The following C3 variants were observed in gnomAD, a reference collection of about 807,000 sequenced individuals.
C3 encodes complement C3.
A neutral mutation model predicts 207.9 loss-of-function variants in C3; 97 were observed. The observed-to-expected ratio is 0.47, with a 90% CI of 0.40 to 0.55. The LOEUF (loss-of-function observed/expected upper bound fraction) is 0.55, where lower values mean the gene tolerates loss of function less well. C3 is among the 20% of genes least tolerant of loss of function. The pLI, the probability that C3 is intolerant of heterozygous loss-of-function variation, is 0.00. For synonymous variants in C3, 848 were observed against 857.6 expected (o/e 0.99, Z 0.20); for missense variants, 1,684 against 2,171.7 (o/e 0.78, Z 4.46).
intron 35 of C3, among the ~76,000 whole-genome samples, chr19:6,680,732 G>C (rs1917837981): frequency 6.6e-6 from 1 of 152,112 alleles, no homozygotes; most frequent in Non-Finnish European, 1.5e-5. Context: ...TTTTGTTTTA[G>C]TAGCTATTGT....
chr19:6,707,171 C>T lies in C3; in HGVS notation c.2150G>A (p.Gly717Asp), dbSNP rs1967797029. 1.2e-6 allele frequency: 2 copies of T among 1,613,790 alleles called. No individual in the cohort carries two copies. The highest frequency in any genetic ancestry group is 1.3e-5 in the African/African-American group (1 of 75,010). ...CQRRTRFISL[G>D]EACKKVFLDC... is the part of the protein sequence containing the mutation. ...CAGGAAGACCTTCTTGCACGCCTCG[C>T]CCAGGGAGATGAAACGGGTCCGGCG... The change falls in exon 17 of 41, where the codon GGC becomes GAC. Residue 717 changes from glycine (G) to aspartate (D), a missense_variant. Gly to Asp is a moderately conservative substitution (Grantham distance 94). Transcript: ENST00000245907.
chr19:6,693,350 G>C, intron 25 of C3, 62 bp downstream of exon 25: 1 of 1,501,166 alleles, frequency 6.7e-7, no homozygotes, highest in South Asian at 1.2e-5. Flanking sequence ...GCCAGGGTCC[G>C]GGCCCTGCTG....
chr19:6,720,138 C>G (rs1968133534), intron 1 of C3, among the ~76,000 whole-genome samples: 1 of 152,136 alleles, frequency 6.6e-6, no homozygotes, highest in Non-Finnish European at 1.5e-5. Flanking sequence ...AGAAACATCC[C>G]AAACTCCAAT....
chr19:6,692,332 C>T (rs567363660), intron 26 of C3, among the ~76,000 whole-genome samples: 1 of 152,322 alleles, frequency 6.6e-6, no homozygotes, highest in African/African-American at 2.4e-5. Context: ...GATCACACTT[C>T]GAGAACCAGT....
chr19:6,697,822 T>C (rs915386800), intron 19 of C3, 28 bp from the exon 20 acceptor site: 3 of 1,604,304 alleles, frequency 1.9e-6, no homozygotes, highest in Non-Finnish European at 2.6e-6. Flanking sequence ...GAACACGGAG[T>C]GTCAAGGTCG....
chr19:6,716,746 A>T (rs564187093), intron 4 of C3: 2 of 152,398 alleles, frequency 1.3e-5, no homozygotes, highest in Admixed American at 6.5e-5. Flanking sequence ...AGGCGATGGG[A>T]GAAGCAATTA....
At chr19:6,720,119 C>T (rs1345920767) in intron 1 of C3, among the ~76,000 whole-genome samples, 1 of 152,158 alleles carries the variant, frequency 6.6e-6, no homozygotes, top group African/African-American at 2.4e-5. Context: ...AACAGATGAC[C>T]TCAATTCTAG....
chr19:6,697,989 TTTATTATTATTATTA>T (rs146892701), intron 19 of C3, among the ~76,000 whole-genome samples, 195 bp from the exon 20 acceptor site: 934 of 61,206 alleles, frequency 0.015, 5 homozygotes, highest in Non-Finnish European at 0.022. Context: ...GTTACCATTA[TTTATTATTATTATTA>T]TTATTATTAT....
At chr19:6,697,041 C>CTAAAAAAAAAAAAA (rs1967548308) in intron 21 of C3, among the ~76,000 whole-genome samples, 1 of 71,302 alleles carries the variant, frequency 1.4e-5, no homozygotes, top group Non-Finnish European at 3.0e-5. Context: ...GACTCTGTCT[C>CTAAAAAAAAAAAAA]AAAAAAATAA....
In C3 at chr19:6,713,523, A is replaced by T; in HGVS notation, c.774-14T>A. 2 of 1,594,124 alleles carry T rather than the reference A, an allele frequency of 1.3e-6. No individual in the cohort carries two copies. Among genetic ancestry groups the T allele is most frequent in the Non-Finnish European group, 1.7e-6 (2 of 1,162,312 alleles). On this transcript the variant is annotated splice_polypyrimidine_tract_variant and intron_variant, in intron 7 of 40. Transcript: ENST00000245907. ...CCGTAGAGGAACCTACGGGACAGAC[A>T]AGGAGGGCTTCAGGTCCATCCCTCC...
intron 17 of C3, among the ~76,000 whole-genome samples, chr19:6,703,523 C>A (rs1012116862): frequency 1.6e-4 from 24 of 152,088 alleles, no homozygotes; most frequent in African/African-American, 5.3e-4. Context: ...AGGAGAATCG[C>A]TTGAACCCGG....
intron 33 of C3, chr19:6,683,095 G>A (rs563026602): frequency 6.6e-6 from 1 of 152,298 alleles, no homozygotes; most frequent in South Asian, 2.1e-4. Context: ...AGATGTCCCA[G>A]AGGAAGGGAC....
Position 6,686,223 on chromosome 19 carries a change from G to A in C3, c.3711C>T (p.Leu1237=). 6.2e-7 allele frequency: 1 copy of A among 1,614,206 alleles called. No individual in the cohort carries two copies. The highest frequency in any genetic ancestry group is 8.5e-7 in the Non-Finnish European group (1 of 1,180,040). The change falls in exon 29 of 41, where the codon CTC becomes CTT. Residue 1237 remains leucine (L), a synonymous_variant. Transcript: ENST00000245907. ...LYNVEATSYA[L]LALLQLKDFD... is the part of the protein sequence containing the mutation. ...AGTCTTTTAGCTGCAGTAGGGCCAA[G>A]AGGGCATAGGATGTGGCCTCCACGT...
intron 16 of C3, 63 bp downstream of exon 16, chr19:6,707,403 C>T (rs925624670): frequency 3.7e-6 from 6 of 1,604,668 alleles, no homozygotes; most frequent in Non-Finnish European, 5.1e-6. Flanking sequence ...GGCTCCTGCA[C>T]GGCCGGGCTG....
In C3 at chr19:6,689,298, C is replaced by CCT. The variant is rs371248769; in HGVS notation, c.3489+1329_3489+1330dup. 7.5e-3 allele frequency among the ~76,000 whole-genome samples: 847 copies of CCT among 112,932 alleles called. 55 individuals are homozygous for CCT. The highest frequency in any genetic ancestry group is 0.024 in the African/African-American group (659 of 27,024). 74.1% of individuals were successfully genotyped at this position (112,932 alleles called of 152,430 possible). ...GTCAGATTTGTCTGACCCCACCTCT[C>CCT]CTCTCTCTCTCTCTCTCTCTCTCTA... On this transcript the variant is annotated intron_variant, in intron 27 of 40. Transcript: ENST00000245907.
chr19:6,693,992 T>C (rs1478211136), intron 24 of C3, among the ~76,000 whole-genome samples: 3 of 119,554 alleles, frequency 2.5e-5, no homozygotes, highest in Admixed American at 8.2e-5. Context: ...GGGATGGGCA[T>C]GGCCTTGAGG....
intron 36 of C3, 44 bp from the exon 37 acceptor site, chr19:6,679,540 C>T: frequency 1.5e-6 from 2 of 1,360,018 alleles, no homozygotes; most frequent in African/African-American, 2.9e-5. Context: ...AAGGGCCTCC[C>T]TCCAAAGACC....
rs779307101 is a variant in C3 at position 6,677,854 on chromosome 19, T to C, written c.*28A>G. 20 of 1,613,368 alleles carry C rather than the reference T, an allele frequency of 1.2e-5. No homozygotes were observed. The highest frequency in any genetic ancestry group is 1.6e-5 in the Non-Finnish European group (19 of 1,179,958). ...GACACGTGAGATATAACTGAAGCTT[T>C]ATCTGGAGTGGGGGAATGGGGGTGT... On this transcript the variant is annotated 3_prime_UTR_variant, in exon 41 of 41. Transcript: ENST00000245907.
At position 6,714,100 on chromosome 19, in the gene C3, T is replaced by G; in HGVS notation, c.683-18A>C. 6.2e-7 allele frequency: 1 copy of G among 1,610,566 alleles called. No individual in the cohort carries two copies. Among genetic ancestry groups the G allele is most frequent in the Non-Finnish European group, 8.5e-7 (1 of 1,178,202 alleles). On this transcript the variant is annotated intron_variant, in intron 6 of 40. Coordinates refer to ENST00000245907, the MANE Select transcript of C3 (RefSeq NM_000064.4). ...GGGCAGCACTGGGGGAGAGATGGCG[T>G]TGGTGGGGCCGGCGCTGGGCCAGGC...
Sources: allele counts gnomAD v4.1 joint callset (sites outside exome capture counted in the v4.1 genomes callset), GRCh38; gene constraint gnomAD v4.1.1; transcripts MANE v1.5; gene names NCBI Gene and HGNC (gene_info 2026-07-23, HGNC 2026-07-21).